Variants in DARS2 observed in about 807,000 individuals in gnomAD.
DARS2 encodes the protein aspartate--tRNA ligase, mitochondrial.
In DARS2, 63 loss-of-function variants were observed where a neutral mutation model predicts 83.0. The observed-to-expected ratio is 0.76, with a 90% confidence interval of 0.62 to 0.94. The LOEUF is 0.94. DARS2 is among the 40% of genes least tolerant of loss of function. The pLI, the probability that DARS2 is intolerant of heterozygous loss-of-function variation, is 0.00. For missense variants in DARS2, 675 were observed against 774.4 expected (o/e 0.87, Z 1.52); for synonymous variants, 250 against 269.3 (o/e 0.93, Z 0.70).
At chr1:173,834,769 G>T (rs1167244179) in intron 7 of DARS2, among the ~76,000 whole-genome samples, 154 of 50,858 alleles carry the variant, frequency 3.0e-3, no homozygotes, top group African/African-American at 4.0e-3. Context: ...GTTTGTTTTG[G>T]GTTTTTTTTT....
intron 15 of DARS2, among the ~76,000 whole-genome samples, chr1:173,855,668 C>G (rs894473926): frequency 6.7e-6 from 1 of 149,040 alleles, no homozygotes; most frequent in African/African-American, 2.5e-5. Context: ...GAATACATTA[C>G]TTTTTTCTTT....
Position 173,840,927 on chromosome 1 carries a change from G to A in DARS2, c.1082G>A (p.Ser361Asn), listed in dbSNP as rs762893445. 2 of 1,613,124 alleles carry A rather than the reference G, an allele frequency of 1.2e-6. No individual in the cohort carries two copies. Among genetic ancestry groups the A allele is most frequent in the Non-Finnish European group, 8.5e-7 (1 of 1,179,112 alleles). The change falls in exon 11 of 17, where the codon AGT (serine) becomes AAT (asparagine). Residue 361 changes from serine (S) to asparagine (N), a missense_variant. Coordinates refer to ENST00000649689, the MANE Select transcript of DARS2 (RefSeq NM_018122.5). Reference sequence around the variant, plus strand: ...ATTGGATTTCTTCAAGATGCACTTAGTAAGCCCCATGGAACTGTGAAAGCC... The same window carrying A: ...ATTGGATTTCTTCAAGATGCACTTAATAAGCCCCATGGAACTGTGAAAGCC... Reference protein sequence around the residue: ...TEIGFLQDALSKPHGTVKAIC... With the variant: ...TEIGFLQDALNKPHGTVKAIC...
In DARS2 at chr1:173,832,771, A is replaced by G. The variant is rs1652841676; in HGVS notation, c.493-605A>G. 2.1e-5 allele frequency among the ~76,000 whole-genome samples: 3 copies of G among 142,452 alleles called. No homozygotes were observed. In the South Asian group the frequency reaches 6.3e-4, roughly 30 times the overall value. 93.5% of individuals were successfully genotyped at this position (142,452 alleles called of 152,430 possible). ...GTGACACAGCAAGACTCCATCTCAA[A>G]AAAAAAAAAAAAAAAGAGAGAGAAA... On this transcript the variant is annotated intron_variant, in intron 5 of 16. Coordinates refer to ENST00000649689, the MANE Select transcript of DARS2 (RefSeq NM_018122.5).
intron 2 of DARS2, among the ~76,000 whole-genome samples, 177 bp downstream of exon 2, chr1:173,826,963 A>T (rs533784416): frequency 6.6e-6 from 1 of 152,344 alleles, no homozygotes; most frequent in South Asian, 2.1e-4. Flanking sequence ...TGTCATTCTC[A>T]GTAGACATTT....
intron 8 of DARS2, 105 bp downstream of exon 8, chr1:173,837,151 T>C: frequency 9.6e-7 from 1 of 1,039,150 alleles, no homozygotes; most frequent in East Asian, 2.4e-5. Context: ...GGATAGAAAA[T>C]TTATGAGAGT....
chr1:173,843,722 A>T (rs1261748989), intron 11 of DARS2, among the ~76,000 whole-genome samples: 1 of 152,220 alleles, frequency 6.6e-6, no homozygotes, highest in African/African-American at 2.4e-5. Flanking sequence ...TTAAAGTTTG[A>T]GGTGTACTCT....
chr1:173,840,675 T>C (rs1208470141), intron 10 of DARS2, among the ~76,000 whole-genome samples, 191 bp from the exon 11 acceptor site: 2 of 152,232 alleles, frequency 1.3e-5, no homozygotes, highest in African/African-American at 4.8e-5. Flanking sequence ...AGTGCTAACC[T>C]CATATGAAAT....
chr1:173,839,244 A>C (rs911229403), intron 9 of DARS2, 123 bp from the exon 10 acceptor site: 1 of 830,248 alleles, frequency 1.2e-6, no homozygotes, highest in African/African-American at 1.7e-5. Context: ...AGAGATGTAC[A>C]ATAATATTTA....
chr1:173,856,362 C>G (rs1653860753), intron 15 of DARS2, among the ~76,000 whole-genome samples: 1 of 152,100 alleles, frequency 6.6e-6, no homozygotes. Flanking sequence ...GCTTTTTATC[C>G]CCACCTCCTC....
intron 13 of DARS2, chr1:173,852,447 G>A (rs765233765): frequency 6.0e-5 from 10 of 165,652 alleles, no homozygotes; most frequent in East Asian, 1.9e-4. Flanking sequence ...GGAAGTGGAG[G>A]AGCCGGATTT....
intron 4 of DARS2, among the ~76,000 whole-genome samples, chr1:173,831,288 C>T (rs984596054): frequency 2.0e-5 from 3 of 150,416 alleles, no homozygotes; most frequent in Admixed American, 2.0e-4. Flanking sequence ...CTTAAGTGAT[C>T]CTCCTGTCTC....
chr1:173,846,157 C>CA (rs1226953002), intron 12 of DARS2, among the ~76,000 whole-genome samples: 270 of 132,256 alleles, frequency 2.0e-3, no homozygotes, highest in Middle Eastern at 8.1e-3. Flanking sequence ...GACTCTGTCT[C>CA]AAAAAAAAAA....
intron 13 of DARS2, chr1:173,851,788 GTTCT>G (rs1299099290): frequency 2.1e-6 from 2 of 973,272 alleles, no homozygotes; most frequent in Admixed American, 6.2e-5. Flanking sequence ...ACTTCATCAA[GTTCT>G]TTCTTCTAAT....
At chr1:173,840,162 A>G (rs1653151751) in intron 10 of DARS2, among the ~76,000 whole-genome samples, 1 of 152,204 alleles carries the variant, frequency 6.6e-6, no homozygotes, top group South Asian at 2.1e-4. Flanking sequence ...ACAATACACA[A>G]AAAGTCATAA....
intron 15 of DARS2, among the ~76,000 whole-genome samples, chr1:173,854,319 T>A (rs141372178): frequency 3.3e-5 from 5 of 152,238 alleles, no homozygotes; most frequent in African/African-American, 9.6e-5. Context: ...GATTGGAGGA[T>A]TCACAAGATA....
At chr1:173,853,936 ATTT>A (rs749871886) in intron 15 of DARS2, 31 bp downstream of exon 15, 4 of 1,546,366 alleles carry the variant, frequency 2.6e-6, no homozygotes, top group Admixed American at 1.7e-5. Flanking sequence ...TCCTGGGCTT[ATTT>A]TTTTACCAGA....
intron 15 of DARS2, among the ~76,000 whole-genome samples, chr1:173,854,701 A>G (rs1232215357): frequency 6.6e-6 from 1 of 152,246 alleles, no homozygotes; most frequent in Non-Finnish European, 1.5e-5. Context: ...AATCAAATCA[A>G]ATGAAAACCA....
rs555583349 is a variant in DARS2, at chr1:173,857,857, A to C, written c.*152A>C. The C allele has an allele frequency of 1.0e-5, 9 of 865,136 alleles. No individual in the cohort carries two copies. Among genetic ancestry groups the C allele is most frequent in the Non-Finnish European group, 1.6e-5 (9 of 546,138 alleles). The allele number at this position is 865,136 out of a possible 1,614,324, so 53.6% of individuals were successfully genotyped here. On this transcript the variant is annotated 3_prime_UTR_variant, in exon 17 of 17. Transcript: ENST00000649689. Reference sequence around the variant, plus strand: ...CAACATTCTTCACCACAACGAAGAAACAGATAAAAGATACCCAATTTTGAC... The same window carrying C: ...CAACATTCTTCACCACAACGAAGAACCAGATAAAAGATACCCAATTTTGAC...
chr1:173,833,894 G>C (rs1652884407), intron 6 of DARS2, among the ~76,000 whole-genome samples: 1 of 151,720 alleles, frequency 6.6e-6, no homozygotes. Flanking sequence ...CAAGTAGCTA[G>C]GACCACAGAC....
Sources: gnomAD v4.1 joint callset for allele counts (sites outside exome capture counted in the v4.1 genomes callset) on GRCh38, gnomAD v4.1.1 for gene constraint, MANE v1.5 for transcripts, NCBI Gene and HGNC (gene_info 2026-07-23, HGNC 2026-07-21) for gene names.